ABCF2: variants seen among roughly 807,000 people sequenced by gnomAD.
ABCF2 encodes ATP-binding cassette sub-family F member 2.
Under a neutral mutation model 76.9 loss-of-function variants are expected in ABCF2, and 37 were observed. That is an observed-to-expected ratio of 0.48 (90% confidence interval 0.37 to 0.63). ABCF2 has a LOEUF of 0.63. ABCF2 is among the 30% of genes least tolerant of loss of function. The pLI is 0.00. For synonymous variants in ABCF2, 299 were observed against 283.7 expected (o/e 1.05, Z -0.54); for missense variants, 524 against 782.1 (o/e 0.67, Z 3.94).
chr7:151,216,620 G>C (rs1447240767), intron 11 of ABCF2, among the ~76,000 whole-genome samples: 1 of 152,134 alleles, frequency 6.6e-6, no homozygotes, highest in Non-Finnish European at 1.5e-5. Flanking sequence ...TCTGTCCCAG[G>C]CTCAAGAGAT....
In ABCF2 at chr7:151,226,489, G is replaced by A. The variant is rs775541400; in HGVS notation, c.-31C>T. ...TGACCCACAGGGGTAGGTTACTGTT[G>A]TTTCAGGGAGCCTGAAGGAAGGCAA... On this transcript the variant is annotated 5_prime_UTR_variant, in exon 2 of 15. Transcript: ENST00000287844. 1.2e-6 allele frequency: 2 copies of A among 1,603,708 alleles called. No individual in the cohort carries two copies. Among genetic ancestry groups the A allele is most frequent in the African/African-American group, 1.3e-5 (1 of 74,226 alleles).
Position 151,223,845 on chromosome 7 carries a change from C to T in ABCF2, c.555G>A (p.Glu185=), listed in dbSNP as rs1802321643. 1 of 1,612,920 alleles carries T rather than the reference C, an allele frequency of 6.2e-7. No individual in the cohort carries two copies. Among genetic ancestry groups the T allele is most frequent in the Non-Finnish European group, 8.5e-7 (1 of 1,179,246 alleles). The stretch of plus-strand genomic sequence containing the variant: ...CGTAGAGCTCCATGAGCTTCTCACA[C>T]TCCGCTGTGGACAGTGTATGGCCAT... ...EAERLAHEDA[E]CEKLMELYER... Residue 185 remains glutamate, a synonymous_variant, in exon 5 of 15, where the codon GAG becomes GAA. Transcript: ENST00000287844.
intron 8 of ABCF2, 79 bp from the exon 9 acceptor site, chr7:151,218,952 C>T (rs1454136909): frequency 4.4e-6 from 7 of 1,608,286 alleles, no homozygotes; most frequent in East Asian, 2.2e-5. Flanking sequence ...AAATGTTGAT[C>T]GTAACTTCTT....
chr7:151,222,705 T>C, intron 5 of ABCF2, 89 bp from the exon 6 acceptor site: 2 of 1,009,918 alleles, frequency 2.0e-6, no homozygotes, highest in Admixed American at 2.1e-5. Flanking sequence ...CATGCAATTC[T>C]GAGTAGGCTC....
At position 151,226,442 on chromosome 7, in the gene ABCF2, G is replaced by A; in HGVS notation, c.17C>T (p.Ala6Val). MPSDLAKKKAAKKKEA... is the reference protein window; with the variant it reads MPSDLVKKKAAKKKEA... ...CTTCTTTTTGGCTGCCTTCTTCTTG[G>A]CCAGGTCGGAGGGCATGATGATGAC... The change falls in exon 2 of 15, where the codon GCC becomes GTC. Residue 6 changes from alanine to valine, a missense_variant. Ala to Val is a moderately conservative substitution (Grantham distance 64). This residue lies in a region of ABCF2 where 330 missense variants were observed against 433.6 expected (regional missense o/e 0.76). Transcript: ENST00000287844. 6.2e-7 allele frequency: 1 copy of A among 1,613,978 alleles called. No individual in the cohort carries two copies. The highest frequency in any genetic ancestry group is 8.5e-7 in the Non-Finnish European group (1 of 1,179,992).
At chr7:151,221,506 T>A in intron 7 of ABCF2, 72 bp downstream of exon 7, 1 of 1,141,040 alleles carries the variant, frequency 8.8e-7, no homozygotes, top group Non-Finnish European at 1.3e-6. Flanking sequence ...CAGCCTTTTT[T>A]TTTTTTTTTA....
At chr7:151,221,833 G>A (rs756856209) in intron 6 of ABCF2, 153 bp from the exon 7 acceptor site, 8 of 606,234 alleles carry the variant, frequency 1.3e-5, no homozygotes, top group Non-Finnish European at 2.1e-5. Context: ...GCCACGACTC[G>A]ACAATCTAAC....
Position 151,216,113 on chromosome 7 carries a change from G to A in ABCF2, c.1339-84C>T, listed in dbSNP as rs1230941978. On this transcript the variant is annotated intron_variant, in intron 11 of 14. Coordinates refer to ENST00000287844, the MANE Select transcript of ABCF2 (RefSeq NM_007189.3). The stretch of plus-strand genomic sequence containing the variant: ...AGGCAGAGCAGGCAAACAAACACAT[G>A]TTCACACTGAACAAGACTCAACTTC... The A allele has an allele frequency of 7.6e-6, 9 of 1,179,062 alleles. No homozygotes were observed. The South Asian group carries it at 1.1e-4, about 15-fold the overall frequency. 73.0% of individuals were successfully genotyped at this position (1,179,062 alleles called of 1,614,324 possible).
At chr7:151,222,489 G>T in intron 6 of ABCF2, 32 bp downstream of exon 6, 3 of 1,575,316 alleles carry the variant, frequency 1.9e-6, no homozygotes, top group Non-Finnish European at 2.6e-6. Context: ...TTTGGGACCT[G>T]CCCGCTCACA....
At chr7:151,219,694 C>T (rs1460528820) in intron 7 of ABCF2, among the ~76,000 whole-genome samples, 1 of 152,170 alleles carries the variant, frequency 6.6e-6, no homozygotes, top group Non-Finnish European at 1.5e-5. Flanking sequence ...AAACACATAA[C>T]GAAATACTAT....
In ABCF2 at chr7:151,214,376, C is replaced by T. The variant is rs1802108595; in HGVS notation, c.1735-185G>A. On this transcript the variant is annotated intron_variant, in intron 14 of 14. Transcript: ENST00000287844. This position sits in a 1 kb window ranked among gnomAD's most constrained non-coding sequence, Gnocchi z 4.9. ...AAGGGTACCATCATCAGGTTTGGAG[C>T]CTTCCAAGCCAGGAACTGCTGTGTC... is the stretch of plus-strand genomic sequence containing the variant. Among the ~76,000 whole-genome samples the T allele has an allele frequency of 6.6e-6, 1 of 152,148 alleles. No homozygotes were observed. Among genetic ancestry groups the T allele is most frequent in the Non-Finnish European group, 1.5e-5 (1 of 68,028 alleles).
chr7:151,214,105 G>C lies in ABCF2; in HGVS notation c.1821C>G (p.Ser607=). 1.2e-6 allele frequency: 2 copies of C among 1,614,180 alleles called. No homozygotes were observed. The highest frequency in any genetic ancestry group is 1.7e-6 in the Non-Finnish European group (2 of 1,180,034). ...DILAYKEHLK[S]KLVDEEPQLT... Reference sequence around the variant, plus strand: ...GCTGGGGCTCCTCATCCACCAGCTTGGACTTGAGGTGCTCCTTGTAAGCCA... The same window carrying C: ...GCTGGGGCTCCTCATCCACCAGCTTCGACTTGAGGTGCTCCTTGTAAGCCA... Residue 607 remains serine, a synonymous_variant, in exon 15 of 15, where the codon TCC becomes TCG. Coordinates refer to ENST00000287844, the MANE Select transcript of ABCF2 (RefSeq NM_007189.3). The surrounding 1 kb of genome is among the most constrained non-coding windows in gnomAD (Gnocchi z 4.9).
In ABCF2 at chr7:151,223,987, G is replaced by A. The variant is rs760639278; in HGVS notation, c.495C>T (p.Val165=). The change falls in exon 4 of 15, where the codon GTC becomes GTT. Residue 165 remains valine (V), a synonymous_variant. Coordinates refer to ENST00000287844, the MANE Select transcript of ABCF2 (RefSeq NM_007189.3). ...TCTCCAGCATGGCCCGCTCTGTGTCGACTTCCATCACACAATGCAAGGGTG... is the reference window on the plus strand; with the variant it reads ...TCTCCAGCATGGCCCGCTCTGTGTCAACTTCCATCACACAATGCAAGGGTG... The part of the protein sequence containing the change: ...DKTPLHCVME[V]DTERAMLEKE... The A allele has an allele frequency of 5.6e-6, 9 of 1,614,052 alleles. No individual in the cohort carries two copies. Among genetic ancestry groups the A allele is most frequent in the Middle Eastern group, 1.7e-4 (1 of 6,058 alleles).
intron 7 of ABCF2, 63 bp downstream of exon 7, chr7:151,221,515 T>A (rs950079075): frequency 8.9e-5 from 96 of 1,083,736 alleles, no homozygotes; most frequent in South Asian, 1.9e-4. Context: ...TTTTTTTTTT[T>A]AAAGAGAATT....
chr7:151,214,753 TG>T lies in ABCF2; in HGVS notation c.1734+125del. The T allele has an allele frequency of 2.3e-6, 2 of 865,450 alleles. No individual in the cohort carries two copies. The highest frequency in any genetic ancestry group is 3.6e-6 in the Non-Finnish European group (2 of 551,514). 53.6% of individuals were successfully genotyped at this position (865,450 alleles called of 1,614,324 possible). On this transcript the variant is annotated intron_variant, in intron 14 of 14. Coordinates refer to ENST00000287844, the MANE Select transcript of ABCF2 (RefSeq NM_007189.3). This position sits in a 1 kb window ranked among gnomAD's most constrained non-coding sequence, Gnocchi z 4.9. ...CATAAGAACTGGTCCTCACCACCTG[TG>T]TCTACACTCTGAGCCCCTTCTCTTA... is the stretch of plus-strand genomic sequence containing the variant.
Position 151,212,530 on chromosome 7 carries a change from CGGT to C in ABCF2, c.*1521_*1523del. The C allele has an allele frequency of 2.0e-6, 2 of 981,700 alleles. No homozygotes were observed. The highest frequency in any genetic ancestry group is 2.4e-6 in the Non-Finnish European group (2 of 826,572). 60.8% of individuals were successfully genotyped at this position (981,700 alleles called of 1,614,324 possible). Reference sequence around the variant, plus strand: ...TTTTTATTTTTTTGAGACAGTGTCTCGGTCTGTCATCAGGCTGGAGTGTAGCGG... The same window carrying C: ...TTTTTATTTTTTTGAGACAGTGTCTCCTGTCATCAGGCTGGAGTGTAGCGG... On this transcript the variant is annotated 3_prime_UTR_variant, in exon 15 of 15. Transcript: ENST00000287844.
At position 151,214,180 on chromosome 7, in the gene ABCF2, T is replaced by C; in HGVS notation, c.1746A>G (p.Glu582=). 6.2e-7 allele frequency: 1 copy of C among 1,614,128 alleles called. No individual in the cohort carries two copies. The highest frequency in any genetic ancestry group is 8.5e-7 in the Non-Finnish European group (1 of 1,180,012). The part of the protein sequence containing the change: ...DFRLIQQVAQ[E]IWVCEKQTIT... ...TTGTCTGCTTCTCACAGACCCAAAT[T>C]TCCTGTGCAACCTAGAAAGCAAAAC... Residue 582 remains glutamate (E), a synonymous_variant, in exon 15 of 15, where the codon GAA becomes GAG. Coordinates refer to ENST00000287844, the MANE Select transcript of ABCF2 (RefSeq NM_007189.3). This position sits in a 1 kb window ranked among gnomAD's most constrained non-coding sequence, Gnocchi z 4.9.
chr7:151,220,822 T>C (rs1802252086), intron 7 of ABCF2, among the ~76,000 whole-genome samples: 1 of 152,236 alleles, frequency 6.6e-6, no homozygotes, highest in South Asian at 2.1e-4. Context: ...ATCCCGTCTC[T>C]ACTAAAAATA....
At chr7:151,225,439 A>G (rs548033519) in intron 2 of ABCF2, among the ~76,000 whole-genome samples, 78 of 152,254 alleles carry the variant, frequency 5.1e-4, no homozygotes, top group Non-Finnish European at 1.0e-3. Flanking sequence ...AAGAAACAGG[A>G]GATACAACAT....
Sources: allele counts gnomAD v4.1 joint callset (sites outside exome capture counted in the v4.1 genomes callset), GRCh38; gene constraint gnomAD v4.1.1; regional missense constraint gnomAD v4.1.1; non-coding constraint Gnocchi (gnomAD v3.1); transcripts MANE v1.5; gene names NCBI Gene and HGNC (gene_info 2026-07-23, HGNC 2026-07-21).